The following RFC3 variants were observed in gnomAD, a reference collection of about 807,000 sequenced individuals.
RFC3 encodes the protein replication factor C subunit 3, also known as A1 38 kDa subunit.
RFC3 carries 41 observed loss-of-function variants against 45.1 expected under a neutral mutation model. That is an observed-to-expected ratio of 0.91 (90% CI 0.71 to 1.18). RFC3 has a LOEUF of 1.18. RFC3 is among the 50% of genes most tolerant of loss of function. RFC3 has a pLI of 0.00. For missense variants in RFC3, 423 were observed against 428.1 expected (o/e 0.99, Z 0.10); for synonymous variants, 149 against 144.0 (o/e 1.03, Z -0.25).
chr13:33,864,026 A>G (rs1021521239), intron 8 of RFC3, among the ~76,000 whole-genome samples: 6 of 152,144 alleles, frequency 3.9e-5, no homozygotes, highest in South Asian at 2.1e-4. Flanking sequence ...CATGTCACCA[A>G]CATCTGCGTG....
chr13:33,913,261 A>G (rs1187790042), intron 8 of RFC3, among the ~76,000 whole-genome samples: 2 of 152,118 alleles, frequency 1.3e-5, no homozygotes, highest in African/African-American at 4.8e-5. Flanking sequence ...AAGCAGTCCC[A>G]ACAGGCTCTA....
chr13:33,891,442 G>A (rs2082562683), intron 8 of RFC3, among the ~76,000 whole-genome samples: 1 of 152,156 alleles, frequency 6.6e-6, no homozygotes, highest in African/African-American at 2.4e-5. Context: ...TCACATGGAT[G>A]CTTAAGAAAA....
At chr13:33,942,433 C>G (rs555929745) in intron 8 of RFC3, among the ~76,000 whole-genome samples, 1 of 152,040 alleles carries the variant, frequency 6.6e-6, no homozygotes, top group East Asian at 1.9e-4. Flanking sequence ...ATTGGGGTAT[C>G]CATTGCCTCA....
chr13:33,852,536 C>G (rs745887792), intron 8 of RFC3, among the ~76,000 whole-genome samples: 3 of 151,988 alleles, frequency 2.0e-5, no homozygotes, highest in Non-Finnish European at 2.9e-5. Flanking sequence ...GGGAGTAACC[C>G]TCAGAAACCT....
chr13:33,879,383 G>A (rs952603926), intron 8 of RFC3, among the ~76,000 whole-genome samples: 1 of 151,952 alleles, frequency 6.6e-6, no homozygotes, highest in Non-Finnish European at 1.5e-5. Context: ...TCATTTCCAG[G>A]CAAACAACTG....
chr13:33,940,694 C>T (rs61945827), intron 8 of RFC3, among the ~76,000 whole-genome samples: 1,946 of 152,198 alleles, frequency 0.013, 21 homozygotes, highest in South Asian at 0.019. Context: ...CCTGACTTAC[C>T]GTAGTCTAAT....
chr13:33,869,373 G>T (rs2082393287), intron 8 of RFC3, among the ~76,000 whole-genome samples: 1 of 147,586 alleles, frequency 6.8e-6, no homozygotes, highest in South Asian at 2.2e-4. Flanking sequence ...AAAATTGAGA[G>T]ATGTATAAAA....
intron 8 of RFC3, among the ~76,000 whole-genome samples, chr13:33,855,123 C>G (rs542745570): frequency 5.5e-4 from 84 of 152,276 alleles, no homozygotes; most frequent in African/African-American, 1.9e-3. Context: ...AAATACTCCT[C>G]CTTTGTGCTT....
At chr13:33,843,610 C>T (rs2082215931) in intron 8 of RFC3, among the ~76,000 whole-genome samples, 1 of 152,186 alleles carries the variant, frequency 6.6e-6, no homozygotes, top group Non-Finnish European at 1.5e-5. Context: ...ATGTGAGGCA[C>T]TATGCTAGAT....
chr13:33,915,231 G>T (rs1373959739), intron 8 of RFC3, among the ~76,000 whole-genome samples: 4 of 152,134 alleles, frequency 2.6e-5, no homozygotes, highest in South Asian at 4.2e-4. Context: ...CCTTTGTTTG[G>T]CTGTCATAGT....
chr13:33,935,839 C>T (rs2082882893), intron 8 of RFC3, among the ~76,000 whole-genome samples: 1 of 152,100 alleles, frequency 6.6e-6, no homozygotes, highest in African/African-American at 2.4e-5. Flanking sequence ...GAATACTTGA[C>T]AAAACTTAAA....
chr13:33,967,343 T>C (rs964082655), downstream of RFC3, among the ~76,000 whole-genome samples: 1 of 152,112 alleles, frequency 6.6e-6, no homozygotes, highest in African/African-American at 2.4e-5. Context: ...ATGATCCAGG[T>C]AAAGGAGCTT....
At chr13:33,948,218 C>G (rs746282546) in intron 8 of RFC3, among the ~76,000 whole-genome samples, 22 of 152,208 alleles carry the variant, frequency 1.4e-4, no homozygotes, top group Non-Finnish European at 2.6e-4. Context: ...TGCTTCAGCT[C>G]TAGCTGTGGC....
chr13:33,899,204 C>CAAAAAAAGAAA (rs2082621832), intron 8 of RFC3, among the ~76,000 whole-genome samples: 1 of 51,968 alleles, frequency 1.9e-5, no homozygotes, highest in African/African-American at 6.7e-5. Context: ...CACAATAAGA[C>CAAAAAAAGAAA]AAAAAAAAAA....
downstream of RFC3, among the ~76,000 whole-genome samples, chr13:33,842,498 G>A (rs1342310620): frequency 6.6e-6 from 1 of 152,144 alleles, no homozygotes; most frequent in East Asian, 1.9e-4. Flanking sequence ...ACGTAGGAGT[G>A]CTTTTCTGTG....
At chr13:33,899,204 C>CAAAAAAAAAAAAAAAAAAAAAAAAAAAAA (rs59221382) in intron 8 of RFC3, among the ~76,000 whole-genome samples, 1 of 51,968 alleles carries the variant, frequency 1.9e-5, no homozygotes, top group Non-Finnish European at 3.6e-5. Context: ...CACAATAAGA[C>CAAAAAAAAAAAAAAAAAAAAAAAAAAAAA]AAAAAAAAAA....
At chr13:33,892,711 A>C (rs2082571219) in intron 8 of RFC3, among the ~76,000 whole-genome samples, 1 of 152,144 alleles carries the variant, frequency 6.6e-6, no homozygotes, top group South Asian at 2.1e-4. Context: ...TGTAGAAGCA[A>C]GATGACCTCA....
chr13:33,860,593 C>T (rs1321879850), intron 8 of RFC3, among the ~76,000 whole-genome samples: 1 of 152,090 alleles, frequency 6.6e-6, no homozygotes, highest in Non-Finnish European at 1.5e-5. Flanking sequence ...TTTAATGTGA[C>T]AATCGACTCC....
intron 8 of RFC3, among the ~76,000 whole-genome samples, chr13:33,942,761 T>A (rs532392963): frequency 4.1e-4 from 63 of 152,306 alleles, no homozygotes; most frequent in Non-Finnish European, 8.2e-4. Flanking sequence ...ATCTTATTTT[T>A]TTTTTATCAC....
Sources: gnomAD v4.1 joint callset for allele counts (sites outside exome capture counted in the v4.1 genomes callset) on GRCh38, gnomAD v4.1.1 for gene constraint, MANE v1.5 for transcripts, NCBI Gene and HGNC (gene_info 2026-07-23, HGNC 2026-07-21) for gene names.